The following PRKG1 variants were observed in gnomAD, a reference collection of about 807,000 sequenced individuals.
PRKG1 encodes the protein cGMP-dependent protein kinase 1.
PRKG1 carries 35 observed loss-of-function variants against 88.1 expected under a neutral mutation model. The ratio of observed to expected loss-of-function variants is 0.40; its 90% CI spans 0.30 to 0.53. The LOEUF (loss-of-function observed/expected upper bound fraction) is 0.53. PRKG1 is among the 20% of genes least tolerant of loss of function. The probability of loss-of-function intolerance (pLI) is 0.59; values close to 1 mark genes in which losing one functional copy is unlikely to be tolerated. For synonymous variants in PRKG1, 303 were observed against 292.5 expected, an observed-to-expected ratio of 1.04 and a Z score of -0.37; for missense variants, 540 against 839.8, an observed-to-expected ratio of 0.64 and a Z score of 4.41.
intron 5 of PRKG1, among the ~76,000 whole-genome samples, chr10:52,027,103 A>C (rs900476944): frequency 2.6e-5 from 4 of 152,190 alleles, no homozygotes; most frequent in Non-Finnish European, 4.4e-5. Context: ...AACTCAATCC[A>C]TGGGAACTGC....
chr10:51,129,911 T>C (rs1845521859), intron 1 of PRKG1, among the ~76,000 whole-genome samples: 1 of 152,158 alleles, frequency 6.6e-6, no homozygotes, highest in Admixed American at 6.5e-5. Flanking sequence ...TGTAGGACTT[T>C]CCAAAGACAG....
chr10:51,040,311 C>CTTTTT (rs34444612), intron 1 of PRKG1, among the ~76,000 whole-genome samples: 5 of 42,620 alleles, frequency 1.2e-4, no homozygotes, highest in African/African-American at 4.6e-4. Context: ...TTCTTTTTCT[C>CTTTTT]TTTTTTTTTT....
intron 3 of PRKG1, among the ~76,000 whole-genome samples, chr10:51,566,103 A>T (rs532756509): frequency 6.6e-6 from 1 of 152,246 alleles, no homozygotes; most frequent in South Asian, 2.1e-4. Context: ...ACCAGAAACA[A>T]GGCTTAAGTG....
chr10:51,118,922 C>A (rs182480971), intron 1 of PRKG1, among the ~76,000 whole-genome samples: 2 of 152,164 alleles, frequency 1.3e-5, no homozygotes, highest in African/African-American at 4.8e-5. Flanking sequence ...TATTTTGGAA[C>A]CTGGTCTCTT....
At chr10:51,020,429 G>T (rs1843120173) in intron 1 of PRKG1, among the ~76,000 whole-genome samples, 1 of 152,158 alleles carries the variant, frequency 6.6e-6, no homozygotes, top group African/African-American at 2.4e-5. Context: ...CATACTATTT[G>T]CCAGATACTG....
At chr10:51,702,098 A>G (rs1307432849) in intron 3 of PRKG1, among the ~76,000 whole-genome samples, 2 of 152,216 alleles carry the variant, frequency 1.3e-5, no homozygotes, top group Non-Finnish European at 2.9e-5. Flanking sequence ...TTTACTATTA[A>G]TATACTATTC....
At chr10:51,133,535 A>G (rs1845620287) in intron 1 of PRKG1, among the ~76,000 whole-genome samples, 1 of 152,228 alleles carries the variant, frequency 6.6e-6, no homozygotes, top group Non-Finnish European at 1.5e-5. Flanking sequence ...AGGAAATAGC[A>G]GGAAAAAAGA....
intron 2 of PRKG1, among the ~76,000 whole-genome samples, chr10:51,298,895 G>A (rs10822640): frequency 0.24 from 35,808 of 152,088 alleles, 4,314 homozygotes; most frequent in Admixed American, 0.36. Flanking sequence ...CTTGATTGCT[G>A]TGATCTGTAT....
chr10:51,912,837 A>G (rs1842249807), intron 5 of PRKG1, among the ~76,000 whole-genome samples: 1 of 147,996 alleles, frequency 6.8e-6, no homozygotes, highest in South Asian at 2.1e-4. Flanking sequence ...GTTTCTCCCC[A>G]TGAGATTATA....
At chr10:52,059,530 T>A (rs778044298) in intron 6 of PRKG1, among the ~76,000 whole-genome samples, 2 of 151,916 alleles carry the variant, frequency 1.3e-5, no homozygotes, top group Non-Finnish European at 2.9e-5. Context: ...GAAAAAAAGG[T>A]CTGAAAAGGT....
intron 2 of PRKG1, among the ~76,000 whole-genome samples, chr10:51,351,824 A>G (rs548112749): frequency 7.2e-5 from 11 of 152,132 alleles, no homozygotes; most frequent in African/African-American, 2.4e-4. Context: ...GCCCATGCCT[A>G]TGTCCTGAAT....
chr10:52,110,286 C>T (rs1355562821), intron 7 of PRKG1, among the ~76,000 whole-genome samples: 1 of 151,992 alleles, frequency 6.6e-6, no homozygotes. Context: ...GAGCGGAGAT[C>T]GCGCCACTGC....
rs1838031970 is a variant in PRKG1, at chr10:51,761,954, G to A, written c.593-42631G>A. Among the ~76,000 whole-genome samples, 4 of 152,012 alleles carry A rather than the reference G, an allele frequency of 2.6e-5. No homozygotes were observed. In the South Asian group the frequency reaches 6.3e-4, roughly 24 times the overall value. On this transcript the variant is annotated intron_variant, in intron 3 of 17. Coordinates refer to ENST00000373980, the MANE Select transcript of PRKG1 (RefSeq NM_006258.4). Reference sequence around the variant, plus strand: ...AAGCAAGAGAATTTTCACTGAGTTAGTAGTTTTATAGAAGCAGATATAAGA... The same window carrying A: ...AAGCAAGAGAATTTTCACTGAGTTAATAGTTTTATAGAAGCAGATATAAGA...
At chr10:51,881,438 G>T (rs1841435739) in intron 4 of PRKG1, among the ~76,000 whole-genome samples, 1 of 152,248 alleles carries the variant, frequency 6.6e-6, no homozygotes, top group Non-Finnish European at 1.5e-5. Context: ...TTATGTCTGT[G>T]GTTTCATCTG....
chr10:51,504,775 C>T (rs182676612), intron 3 of PRKG1, among the ~76,000 whole-genome samples: 218 of 152,216 alleles, frequency 1.4e-3, no homozygotes, highest in Admixed American at 4.0e-3. Context: ...CTCTGTTTGT[C>T]TGTTATTGAT....
rs565328117 is a variant in PRKG1, at chr10:51,358,925, G to A, written c.479-108798G>A. 1.3e-3 allele frequency among the ~76,000 whole-genome samples: 133 copies of A among 98,988 alleles called. 2 individuals are homozygous for A. The highest frequency in any genetic ancestry group is 4.5e-3 in the African/African-American group (110 of 24,518). 64.9% of individuals were successfully genotyped at this position (98,988 alleles called of 152,430 possible). ...TCCATCTTAGTTTTATAAATAAAACGTTATTTATTGGGGGGGGGGGTGTGG... is the reference window on the plus strand; with the variant it reads ...TCCATCTTAGTTTTATAAATAAAACATTATTTATTGGGGGGGGGGGTGTGG... On this transcript the variant is annotated intron_variant, in intron 2 of 17. Transcript: ENST00000373980.
chr10:52,052,039 C>T (rs996453146), intron 5 of PRKG1, among the ~76,000 whole-genome samples: 2 of 152,136 alleles, frequency 1.3e-5, no homozygotes, highest in Non-Finnish European at 2.9e-5. Flanking sequence ...CTACCCAATA[C>T]GGTATCTACT....
rs766423513 is a variant in PRKG1 at position 51,847,840 on chromosome 10, T to TAAAA, written c.698+43184_698+43187dup. ...AACATAGAGAGACTCAAGACTCTGT[T>TAAAA]AAAAAAAAAAAAAAAAAAAAAAAAA... is the stretch of plus-strand genomic sequence containing the variant. On this transcript the variant is annotated intron_variant, in intron 4 of 17. Coordinates refer to ENST00000373980, the MANE Select transcript of PRKG1 (RefSeq NM_006258.4). Among the ~76,000 whole-genome samples, 37 of 35,212 alleles carry TAAAA rather than the reference T, an allele frequency of 1.1e-3. 3 individuals are homozygous for TAAAA. Among genetic ancestry groups the TAAAA allele is most frequent in the African/African-American group, 2.5e-3 (24 of 9,702 alleles). The allele number at this position is 35,212 out of a possible 152,430, so 23.1% of individuals were successfully genotyped here.
At chr10:52,270,357 A>G (rs563190712) in intron 10 of PRKG1, among the ~76,000 whole-genome samples, 3 of 152,264 alleles carry the variant, frequency 2.0e-5, no homozygotes, top group African/African-American at 7.2e-5. Flanking sequence ...TGACCCAGCC[A>G]TCCCATTACT....
Sources: gnomAD v4.1 joint callset for allele counts (sites outside exome capture counted in the v4.1 genomes callset) on GRCh38, gnomAD v4.1.1 for gene constraint, MANE v1.5 for transcripts, NCBI Gene and HGNC (gene_info 2026-07-23, HGNC 2026-07-21) for gene names.